The following ZFYVE26 variants were observed in gnomAD, a reference collection of about 807,000 sequenced individuals.
ZFYVE26 encodes zinc finger FYVE-type containing 26.
In ZFYVE26, 181 loss-of-function variants were observed where a neutral mutation model predicts 276.5. The ratio of observed to expected loss-of-function variants is 0.65; its 90% confidence interval spans 0.58 to 0.74. The LOEUF (loss-of-function observed/expected upper bound fraction) is 0.74, where lower values mean the gene tolerates loss of function less well. Among genes scored for constraint, ZFYVE26 ranks in the 30% least tolerant of loss-of-function variants. ZFYVE26 has a pLI of 0.00. For synonymous variants in ZFYVE26, 1,129 were observed against 1,203.1 expected, an observed-to-expected ratio of 0.94 and a Z score of 1.27; for missense variants, 2,821 against 3,097.9, an observed-to-expected ratio of 0.91 and a Z score of 2.12.
intron 8 of ZFYVE26, 142 bp from the exon 9 acceptor site, chr14:67,804,406 G>T: frequency 1.9e-6 from 2 of 1,069,392 alleles, no homozygotes; most frequent in Non-Finnish European, 2.8e-6. Context: ...ATTTTAGTTG[G>T]TTTGGGACTG....
intron 37 of ZFYVE26, 121 bp downstream of exon 37, chr14:67,754,930 A>T: frequency 8.7e-7 from 1 of 1,149,588 alleles, no homozygotes; most frequent in Non-Finnish European, 1.3e-6. Flanking sequence ...TCATCCAGGG[A>T]TGATTCCCTT....
intron 28 of ZFYVE26, chr14:67,770,278 A>G (rs1260645322): frequency 1.8e-5 from 3 of 165,020 alleles, no homozygotes; most frequent in East Asian, 3.3e-4. Context: ...AGCCTTGCCA[A>G]CATGGCGAAA....
intron 3 of ZFYVE26, among the ~76,000 whole-genome samples, chr14:67,811,663 A>G (rs2040304720): frequency 6.6e-6 from 1 of 151,670 alleles, no homozygotes; most frequent in African/African-American, 2.4e-5. Context: ...ATGTATGTCC[A>G]GTTAGTCTTA....
chr14:67,786,255 G>C, intron 16 of ZFYVE26, 22 bp from the exon 17 acceptor site: 1 of 491,906 alleles, frequency 2.0e-6, no homozygotes. Context: ...TGAAGGAAGA[G>C]GGAATGCAAA....
chr14:67,755,220 G>A lies in ZFYVE26; in HGVS notation c.6817C>T (p.Arg2273Trp), dbSNP rs745597104. 2.0e-5 allele frequency: 33 copies of A among 1,614,034 alleles called. No homozygotes were observed. The highest frequency in any genetic ancestry group is 4.5e-5 in the East Asian group (2 of 44,890). ...DQVRAAMTCI[R>W]FFSHKAKSYT... ...GACTTTGCTTTGTGACTGAAGAACCGAATACAGGTCATGGCGGCCCGAACT... is the reference window on the plus strand; with the variant it reads ...GACTTTGCTTTGTGACTGAAGAACCAAATACAGGTCATGGCGGCCCGAACT... Residue 2273 changes from arginine to tryptophan, a missense_variant, in exon 37 of 42, where the codon CGG becomes TGG. Transcript: ENST00000347230.
chr14:67,797,810 C>T (rs1343573977), intron 11 of ZFYVE26, 55 bp from the exon 12 acceptor site: 1 of 1,606,610 alleles, frequency 6.2e-7, no homozygotes, highest in African/African-American at 1.3e-5. Flanking sequence ...TTGATTTGGC[C>T]CTTTCTTGGC....
intron 22 of ZFYVE26, 98 bp from the exon 23 acceptor site, chr14:67,780,443 C>G: frequency 9.0e-7 from 1 of 1,110,878 alleles, no homozygotes; most frequent in Non-Finnish European, 1.3e-6. Flanking sequence ...CCCTAGATCT[C>G]TGCCCCAAAG....
chr14:67,793,203 G>A (rs148693031), intron 14 of ZFYVE26, among the ~76,000 whole-genome samples: 5 of 152,276 alleles, frequency 3.3e-5, no homozygotes, highest in South Asian at 2.1e-4. Context: ...GGTGCAGTGA[G>A]CAGAAATCGT....
Position 67,767,731 on chromosome 14 carries a change from C to T in ZFYVE26, c.5763G>A (p.Leu1921=), listed in dbSNP as rs760939635. 6.2e-7 allele frequency: 1 copy of T among 1,614,030 alleles called. No individual in the cohort carries two copies. Among genetic ancestry groups the T allele is most frequent in the South Asian group, 1.1e-5 (1 of 91,084 alleles). The change falls in exon 31 of 42, where the codon CTG becomes CTA. Residue 1921 remains leucine (L), a synonymous_variant. Transcript: ENST00000347230. ...GCTCATAGTAAAATTCACTCCGCACCAGCTCATTTTCCTCCTCTTTGAGAT... is the reference window on the plus strand; with the variant it reads ...GCTCATAGTAAAATTCACTCCGCACTAGCTCATTTTCCTCCTCTTTGAGAT... ...ILDLKEEENE[L]VRSEFYYEQA... is the part of the protein sequence containing the mutation.
chr14:67,767,193 T>C (rs1280613264), intron 31 of ZFYVE26, among the ~76,000 whole-genome samples: 1 of 152,210 alleles, frequency 6.6e-6, no homozygotes, highest in African/African-American at 2.4e-5. Context: ...AAACCTTTCA[T>C]AGGCCCTTGA....
chr14:67,784,291 C>A (rs1382148812), intron 20 of ZFYVE26, 43 bp downstream of exon 20: 2 of 1,538,714 alleles, frequency 1.3e-6, no homozygotes, highest in Admixed American at 1.7e-5. Flanking sequence ...TTGATGAAAT[C>A]ATCCGAAGGC....
chr14:67,784,465 T>G (rs76517893), intron 19 of ZFYVE26, 29 bp from the exon 20 acceptor site: 1 of 1,591,336 alleles, frequency 6.3e-7, no homozygotes, highest in Admixed American at 1.7e-5. Context: ...TGATCTTTGT[T>G]TGCACCACTG....
intron 25 of ZFYVE26, 40 bp from the exon 26 acceptor site, chr14:67,776,146 C>T (rs370431938): frequency 1.2e-6 from 2 of 1,612,728 alleles, no homozygotes; most frequent in African/African-American, 1.3e-5. Context: ...GAAAATAGTA[C>T]ACAAATTTCA....
intron 15 of ZFYVE26, 109 bp from the exon 16 acceptor site, chr14:67,789,707 G>A: frequency 7.0e-7 from 1 of 1,420,542 alleles, no homozygotes; most frequent in East Asian, 2.3e-5. Flanking sequence ...ATCTGCACAG[G>A]GTATCTTTCA....
intron 19 of ZFYVE26, 60 bp from the exon 20 acceptor site, chr14:67,784,496 T>C: frequency 6.7e-7 from 1 of 1,484,946 alleles, no homozygotes; most frequent in Non-Finnish European, 9.4e-7. Context: ...TTCAGAGCCC[T>C]GTTTCCCAGA....
intron 23 of ZFYVE26, among the ~76,000 whole-genome samples, chr14:67,779,748 C>T (rs968535975): frequency 3.3e-5 from 5 of 151,934 alleles, no homozygotes; most frequent in East Asian, 1.9e-4. Context: ...CTGTACCTAA[C>T]GTACACAATG....
chr14:67,740,018 A>G (rs1287444555), intron 13 of ZFYVE26, among the ~76,000 whole-genome samples: 2 of 152,208 alleles, frequency 1.3e-5, no homozygotes, highest in Non-Finnish European at 2.9e-5. Context: ...ATGGCCAAGA[A>G]AAAAATCAAT....
chr14:67,789,264 C>A (rs2039744244), intron 16 of ZFYVE26, 71 bp downstream of exon 16: 2 of 1,604,894 alleles, frequency 1.2e-6, no homozygotes, highest in East Asian at 4.5e-5. Flanking sequence ...TCTTCCTGGA[C>A]AATTTATCAA....
Position 67,807,420 on chromosome 14 carries a change from C to T in ZFYVE26, c.864G>A (p.Pro288=), listed in dbSNP as rs1360412471. The change falls in exon 5 of 42, where the codon CCG becomes CCA. Residue 288 remains proline (P), a synonymous_variant. Coordinates refer to ENST00000347230, the MANE Select transcript of ZFYVE26 (RefSeq NM_015346.4). ...CACCTTTTCCCGAGGCTGTAGCCCT[C>T]GGTGGCTTTTCTGTGACCTTCTCTG... ...TYAEKVTEKP[P]RATASGKVSP... The T allele has an allele frequency of 1.9e-6, 3 of 1,614,074 alleles. No individual in the cohort carries two copies. The highest frequency in any genetic ancestry group is 2.5e-6 in the Non-Finnish European group (3 of 1,180,052).
Sources: allele counts gnomAD v4.1 joint callset (sites outside exome capture counted in the v4.1 genomes callset), GRCh38; gene constraint gnomAD v4.1.1; transcripts MANE v1.5; gene names NCBI Gene and HGNC (gene_info 2026-07-23, HGNC 2026-07-21).